ADAMTS6: variants seen among roughly 807,000 people sequenced by gnomAD.
ADAMTS6 encodes ADAM metallopeptidase with thrombospondin type 1 motif 6.
In ADAMTS6, 23 loss-of-function variants were observed where a neutral mutation model predicts 144.3. The ratio of observed to expected loss-of-function variants is 0.16; its 90% CI spans 0.11 to 0.23. ADAMTS6 has a LOEUF of 0.23. ADAMTS6 is among the 10% of genes least tolerant of loss of function. ADAMTS6 has a pLI of 1.00. For synonymous variants in ADAMTS6, 444 were observed against 457.5 expected (o/e 0.97, Z 0.38); for missense variants, 999 against 1,379.6 (o/e 0.72, Z 4.37).
At chr5:65,239,034 G>A (rs181649893) in intron 15 of ADAMTS6, among the ~76,000 whole-genome samples, 5 of 152,086 alleles carry the variant, frequency 3.3e-5, no homozygotes, top group South Asian at 4.2e-4. Context: ...CTGTGTTCCC[G>A]CATATTCTCA....
chr5:65,243,805 C>T (rs967504445), intron 14 of ADAMTS6, among the ~76,000 whole-genome samples: 7 of 151,934 alleles, frequency 4.6e-5, no homozygotes, highest in Non-Finnish European at 8.8e-5. Context: ...AAGCAAATAA[C>T]GATTTCAAAA....
intron 24 of ADAMTS6, among the ~76,000 whole-genome samples, chr5:65,162,820 C>A (rs1752866850): frequency 6.6e-6 from 1 of 152,042 alleles, no homozygotes; most frequent in Non-Finnish European, 1.5e-5. Flanking sequence ...AAAAGAGAAC[C>A]CCAAACTCAT....
chr5:65,355,293 A>C (rs1009218546), intron 7 of ADAMTS6, among the ~76,000 whole-genome samples: 1 of 151,850 alleles, frequency 6.6e-6, no homozygotes. Context: ...TTAGACAAGA[A>C]GTGCAAGATT....
chr5:65,184,540 T>C (rs1754550868), intron 22 of ADAMTS6, among the ~76,000 whole-genome samples: 1 of 152,224 alleles, frequency 6.6e-6, no homozygotes, highest in Non-Finnish European at 1.5e-5. Flanking sequence ...GAAATGTATC[T>C]TTTTCAATGG....
intron 14 of ADAMTS6, chr5:65,256,702 A>T (rs2112569904): frequency 6.6e-6 from 1 of 152,268 alleles, no homozygotes; most frequent in Non-Finnish European, 1.5e-5. Context: ...ACCATTATTC[A>T]CATTACAGTA....
chr5:65,398,809 AAAGAAAGAAAG>A (rs540763901), intron 7 of ADAMTS6, among the ~76,000 whole-genome samples: 8 of 96,522 alleles, frequency 8.3e-5, no homozygotes, highest in African/African-American at 3.3e-4. Flanking sequence ...AGAAAGAAAG[AAAGAAAGAAAG>A]AAAGAAAGAA....
chr5:65,389,984 A>C (rs58964982), intron 7 of ADAMTS6, among the ~76,000 whole-genome samples: 1 of 152,092 alleles, frequency 6.6e-6, no homozygotes, highest in Non-Finnish European at 1.5e-5. Context: ...CTCAAAGCCC[A>C]AAATCACAGT....
intron 7 of ADAMTS6, among the ~76,000 whole-genome samples, chr5:65,336,753 T>G (rs1052939897): frequency 2.0e-5 from 3 of 152,102 alleles, no homozygotes; most frequent in African/African-American, 7.2e-5. Context: ...TATAATGGAA[T>G]TTGATCTAAA....
At chr5:65,228,606 A>C (rs1401166245) in intron 15 of ADAMTS6, among the ~76,000 whole-genome samples, 1 of 152,130 alleles carries the variant, frequency 6.6e-6, no homozygotes, top group Non-Finnish European at 1.5e-5. Context: ...AAAATTCCCC[A>C]AACAGACAAA....
intron 7 of ADAMTS6, among the ~76,000 whole-genome samples, chr5:65,432,917 G>T (rs1447950285): frequency 6.6e-6 from 1 of 151,970 alleles, no homozygotes; most frequent in African/African-American, 2.4e-5. Context: ...CAATACATAT[G>T]GGGTGAATGA....
intron 15 of ADAMTS6, among the ~76,000 whole-genome samples, chr5:65,240,488 C>G (rs1759080637): frequency 6.6e-6 from 1 of 152,026 alleles, no homozygotes; most frequent in Non-Finnish European, 1.5e-5. Flanking sequence ...TTTGTGTCCC[C>G]CCAAAACCCG....
At chr5:65,185,853 T>C (rs1035885654) in intron 22 of ADAMTS6, among the ~76,000 whole-genome samples, 1 of 152,218 alleles carries the variant, frequency 6.6e-6, no homozygotes, top group Non-Finnish European at 1.5e-5. Flanking sequence ...GGTGACTATA[T>C]GTGGTTGTTT....
chr5:65,179,899 C>A (rs1054643435), intron 22 of ADAMTS6, among the ~76,000 whole-genome samples: 1 of 152,088 alleles, frequency 6.6e-6, no homozygotes, highest in Admixed American at 6.5e-5. Context: ...TAAAATTACT[C>A]CATTTGTTTC....
Position 65,269,153 on chromosome 5 carries a change from G to T in ADAMTS6, c.1620+4187C>A, listed in dbSNP as rs571469259. Among the ~76,000 whole-genome samples the T allele has an allele frequency of 2.0e-5, 3 of 152,262 alleles. No homozygotes were observed. The East Asian group carries it at 5.8e-4, about 29-fold the overall frequency. On this transcript the variant is annotated intron_variant, in intron 12 of 24. Transcript: ENST00000381055. ...AATTTTCTGCCCACCATCATTTAAG[G>T]TTGGCAAATAACAATGAAAAGTATT...
At chr5:65,284,369 A>G (rs897342957) in intron 11 of ADAMTS6, among the ~76,000 whole-genome samples, 3 of 152,044 alleles carry the variant, frequency 2.0e-5, no homozygotes, top group African/African-American at 7.2e-5. Flanking sequence ...TAATTAATAT[A>G]TTAAGAAAAT....
intron 7 of ADAMTS6, among the ~76,000 whole-genome samples, chr5:65,408,843 A>T (rs1463975583): frequency 1.3e-5 from 2 of 152,154 alleles, no homozygotes; most frequent in East Asian, 1.9e-4. Context: ...GGATTAAGAA[A>T]CTCACTCCAA....
Position 65,299,885 on chromosome 5 carries a change from A to G in ADAMTS6, c.1370+100T>C, listed in dbSNP as rs114134255. 563 of 1,353,580 alleles carry G rather than the reference A, an allele frequency of 4.2e-4. 7 individuals are homozygous for G. The African/African-American group carries it at 7.6e-3, about 18-fold the overall frequency. 83.8% of individuals were successfully genotyped at this position (1,353,580 alleles called of 1,614,324 possible). On this transcript the variant is annotated intron_variant, in intron 10 of 24. Transcript: ENST00000381055. ...AGTTGAAACATCAGTAGGCCCTATA[A>G]AACTTACTCATTATGCAAAGTTGAA...
At chr5:65,353,325 T>C (rs1749033943) in intron 7 of ADAMTS6, among the ~76,000 whole-genome samples, 1 of 151,984 alleles carries the variant, frequency 6.6e-6, no homozygotes, top group African/African-American at 2.4e-5. Context: ...CAAACTGAGA[T>C]TTACAGAAGT....
intron 10 of ADAMTS6, 110 bp downstream of exon 10, chr5:65,299,875 A>C: frequency 4.3e-6 from 5 of 1,170,780 alleles, no homozygotes; most frequent in Non-Finnish European, 4.7e-6. Flanking sequence ...AAACATCAGT[A>C]GGCCCTATAA....
Sources: gnomAD v4.1 joint callset for allele counts (sites outside exome capture counted in the v4.1 genomes callset) on GRCh38, gnomAD v4.1.1 for gene constraint, MANE v1.5 for transcripts, NCBI Gene and HGNC (gene_info 2026-07-23, HGNC 2026-07-21) for gene names.